The following LSAMP variants were observed in gnomAD, a reference collection of about 807,000 sequenced individuals.
LSAMP encodes the protein limbic system associated membrane protein, also known as limbic system-associated membrane protein.
LSAMP carries 7 observed loss-of-function variants against 38.6 expected under a neutral mutation model. That is an observed-to-expected ratio of 0.18 (90% CI 0.10 to 0.34). The LOEUF (loss-of-function observed/expected upper bound fraction) is 0.34. Among genes scored for constraint, LSAMP ranks in the 10% least tolerant of loss-of-function variants. The pLI is 1.00. For missense variants in LSAMP, 313 were observed against 420.0 expected (o/e 0.75, Z 2.23); for synonymous variants, 154 against 166.8 (o/e 0.92, Z 0.59).
chr3:116,027,900 C>A (rs1418963744), intron 2 of LSAMP, among the ~76,000 whole-genome samples: 1 of 152,092 alleles, frequency 6.6e-6, no homozygotes, highest in Non-Finnish European at 1.5e-5. Flanking sequence ...TCTAATGGTA[C>A]AAATTAGCAA....
At chr3:116,385,792 T>C (rs1024178167) in intron 1 of LSAMP, among the ~76,000 whole-genome samples, 1 of 152,158 alleles carries the variant, frequency 6.6e-6, no homozygotes, top group Non-Finnish European at 1.5e-5. Context: ...CTTTGAGTAC[T>C]GTTTGGGGTA....
chr3:115,886,814 T>C (rs117256603), intron 3 of LSAMP, among the ~76,000 whole-genome samples: 68 of 152,038 alleles, frequency 4.5e-4, no homozygotes, highest in East Asian at 4.5e-3. Context: ...TAACAATGTG[T>C]TATCTTTTTT....
chr3:116,062,721 T>C (rs1291163303), intron 2 of LSAMP, among the ~76,000 whole-genome samples: 1 of 152,200 alleles, frequency 6.6e-6, no homozygotes, highest in South Asian at 2.1e-4. Context: ...GTTCAAATTA[T>C]TCCTGGAATT....
intron 1 of LSAMP, among the ~76,000 whole-genome samples, chr3:116,190,217 T>A (rs1710723689): frequency 6.6e-6 from 1 of 152,074 alleles, no homozygotes; most frequent in Admixed American, 6.6e-5. Flanking sequence ...ATGGTGCACT[T>A]GTCACGCAAG....
chr3:115,981,977 T>G (rs1939373194), intron 3 of LSAMP, among the ~76,000 whole-genome samples: 1 of 152,234 alleles, frequency 6.6e-6, no homozygotes, highest in African/African-American at 2.4e-5. Flanking sequence ...AAAGTCTAAC[T>G]TGGAGGTCCA....
chr3:116,277,644 T>G (rs1464392493), intron 1 of LSAMP, among the ~76,000 whole-genome samples: 2 of 152,186 alleles, frequency 1.3e-5, no homozygotes, highest in Non-Finnish European at 2.9e-5. Context: ...GTGCTGGGAT[T>G]ACAGGCGTGA....
chr3:115,922,714 A>G lies in LSAMP; in HGVS notation c.515-70097T>C, dbSNP rs957652355. On this transcript the variant is annotated intron_variant, in intron 3 of 6. Transcript: ENST00000490035. ...CTTTTACTGGGGAAGATCCTCACCCATCAGTCAGGCTGGGGGTTAAGGGTG... is the reference window on the plus strand; with the variant it reads ...CTTTTACTGGGGAAGATCCTCACCCGTCAGTCAGGCTGGGGGTTAAGGGTG... Among the ~76,000 whole-genome samples, 6 of 152,116 alleles carry G rather than the reference A, an allele frequency of 3.9e-5. No homozygotes were observed. The East Asian group carries it at 5.8e-4, about 15-fold the overall frequency.
chr3:116,158,870 A>G (rs1709818393), intron 1 of LSAMP, among the ~76,000 whole-genome samples: 1 of 152,162 alleles, frequency 6.6e-6, no homozygotes, highest in South Asian at 2.1e-4. Flanking sequence ...ACGAGAACCA[A>G]AAAGGAGCCC....
chr3:116,305,535 G>A (rs777543326), intron 1 of LSAMP, among the ~76,000 whole-genome samples: 8 of 149,944 alleles, frequency 5.3e-5, no homozygotes, highest in Middle Eastern at 3.4e-3. Context: ...TAAAGTATGC[G>A]CCAGCTTGCA....
intron 1 of LSAMP, among the ~76,000 whole-genome samples, chr3:116,192,592 T>C (rs1710778694): frequency 6.6e-6 from 1 of 152,164 alleles, no homozygotes; most frequent in Admixed American, 6.5e-5. Flanking sequence ...TTGGAAGATG[T>C]GAAGGCATAT....
In LSAMP at chr3:115,863,090, G is replaced by A. The variant is rs370533238; in HGVS notation, c.515-10473C>T. Among the ~76,000 whole-genome samples the A allele has an allele frequency of 1.6e-4, 25 of 152,328 alleles. No individual in the cohort carries two copies. In the East Asian group the frequency reaches 3.5e-3, roughly 21 times the overall value. ...AGTGCTTGACAGGCTGTCAGTGCAA[G>A]TGAGGGTCACTAAATTTACTGCCTT... On this transcript the variant is annotated intron_variant, in intron 3 of 6. Transcript: ENST00000490035.
intron 1 of LSAMP, among the ~76,000 whole-genome samples, chr3:116,136,082 A>C (rs1469590452): frequency 6.6e-6 from 1 of 152,172 alleles, no homozygotes; most frequent in African/African-American, 2.4e-5. Context: ...GTGAGGCTAC[A>C]AGGTGGCAAG....
At chr3:116,260,469 T>C (rs1480630557) in intron 1 of LSAMP, among the ~76,000 whole-genome samples, 1 of 151,944 alleles carries the variant, frequency 6.6e-6, no homozygotes, top group Non-Finnish European at 1.5e-5. Context: ...AAATGTAAAA[T>C]ATATAAAAAT....
chr3:116,069,325 T>G (rs1215522653), intron 2 of LSAMP, among the ~76,000 whole-genome samples: 3 of 152,208 alleles, frequency 2.0e-5, no homozygotes, highest in Non-Finnish European at 4.4e-5. Flanking sequence ...GGGAAGACTT[T>G]GATTATCAAG....
intron 1 of LSAMP, among the ~76,000 whole-genome samples, chr3:116,244,530 TG>T (rs2046580024): frequency 1.3e-5 from 2 of 152,200 alleles, no homozygotes; most frequent in South Asian, 4.1e-4. Flanking sequence ...TTTGTGTGAC[TG>T]GGTCATTCTT....
intron 2 of LSAMP, among the ~76,000 whole-genome samples, chr3:116,037,786 T>C (rs1941079951): frequency 6.6e-6 from 1 of 151,982 alleles, no homozygotes. Flanking sequence ...TGTATGTGCA[T>C]ATATATAATC....
intron 3 of LSAMP, among the ~76,000 whole-genome samples, chr3:116,016,389 A>G (rs976360545): frequency 8.5e-5 from 13 of 152,198 alleles, no homozygotes; most frequent in African/African-American, 2.9e-4. Flanking sequence ...ATAGAAAGCT[A>G]GTTTTGCATG....
chr3:115,829,908 T>C (rs1474714744), intron 6 of LSAMP, among the ~76,000 whole-genome samples: 1 of 152,190 alleles, frequency 6.6e-6, no homozygotes, highest in Non-Finnish European at 1.5e-5. Flanking sequence ...GATACCAGTA[T>C]ACCTGCAAAT....
At chr3:116,079,153 C>A (rs759127360) in intron 2 of LSAMP, among the ~76,000 whole-genome samples, 1 of 152,026 alleles carries the variant, frequency 6.6e-6, no homozygotes, top group Non-Finnish European at 1.5e-5. Flanking sequence ...TATCATTATC[C>A]GCAATATTTT....
Sources: gnomAD v4.1 joint callset for allele counts (sites outside exome capture counted in the v4.1 genomes callset) on GRCh38, gnomAD v4.1.1 for gene constraint, MANE v1.5 for transcripts, NCBI Gene and HGNC (gene_info 2026-07-23, HGNC 2026-07-21) for gene names.